The following SRP68 variants were observed in gnomAD, a reference collection of about 807,000 sequenced individuals.
SRP68 encodes the protein signal recognition particle 68.
A neutral mutation model predicts 82.2 loss-of-function variants in SRP68; 15 were observed. That is an observed-to-expected ratio of 0.18 (90% CI 0.12 to 0.28). SRP68 has a LOEUF of 0.28. SRP68 is among the 10% of genes least tolerant of loss of function. SRP68 has a pLI of 1.00. For missense variants in SRP68, 595 were observed against 780.5 expected, an observed-to-expected ratio of 0.76 and a Z score of 2.83; for synonymous variants, 261 against 292.6, an observed-to-expected ratio of 0.89 and a Z score of 1.10.
intron 3 of SRP68, among the ~76,000 whole-genome samples, chr17:76,065,932 T>C (rs746231849): frequency 4.6e-5 from 7 of 151,586 alleles, no homozygotes; most frequent in Non-Finnish European, 1.0e-4. Flanking sequence ...ACAACTACTC[T>C]GCTGATGTAG....
intron 7 of SRP68, among the ~76,000 whole-genome samples, chr17:76,059,780 AGACTGTCTC>A (rs2066737764): frequency 7.8e-6 from 1 of 128,228 alleles, no homozygotes; most frequent in African/African-American, 3.4e-5. Context: ...CGACAGAGTA[AGACTGTCTC>A]AAAAAAAAAA....
At chr17:76,050,301 A>C in intron 9 of SRP68, 127 bp downstream of exon 9, 1 of 662,542 alleles carries the variant, frequency 1.5e-6, no homozygotes, top group Non-Finnish European at 2.6e-6. Context: ...CTCACCTCAA[A>C]AAAACAAAAA....
chr17:76,056,333 A>G (rs985769735), intron 8 of SRP68, among the ~76,000 whole-genome samples: 1 of 152,108 alleles, frequency 6.6e-6, no homozygotes, highest in African/African-American at 2.4e-5. Context: ...CACTTTTAAA[A>G]CCAAAGCACT....
At chr17:76,070,312 C>T (rs1488621432) in intron 2 of SRP68, 66 bp downstream of exon 2, 13 of 1,264,914 alleles carry the variant, frequency 1.0e-5, no homozygotes. Context: ...GCAGAGTAAA[C>T]AGGATATTAA....
At chr17:76,069,775 GAAAAAAA>G (rs527828363) in intron 2 of SRP68, among the ~76,000 whole-genome samples, 1 of 135,832 alleles carries the variant, frequency 7.4e-6, no homozygotes, top group Admixed American at 7.4e-5. Flanking sequence ...TTATTTAAAA[GAAAAAAA>G]AAAAAAGAAA....
At chr17:76,061,840 A>G (rs557545722) in intron 4 of SRP68, among the ~76,000 whole-genome samples, 46 of 152,170 alleles carry the variant, frequency 3.0e-4, no homozygotes, top group African/African-American at 1.1e-3. Flanking sequence ...AAAGAAGAAA[A>G]AAAAGAACAT....
chr17:76,057,624 G>A, intron 7 of SRP68, 81 bp from the exon 8 acceptor site: 1 of 1,479,916 alleles, frequency 6.8e-7, no homozygotes, highest in Non-Finnish European at 9.3e-7. Flanking sequence ...TCTATCATTT[G>A]TCTCTTTGTA....
chr17:76,051,560 TTCTTC>T (rs2066672544), intron 8 of SRP68, among the ~76,000 whole-genome samples: 1 of 152,176 alleles, frequency 6.6e-6, no homozygotes, highest in Non-Finnish European at 1.5e-5. Flanking sequence ...AAAACCCTTT[TTCTTC>T]TCTTAAGAAA....
In SRP68 at chr17:76,061,482, T is replaced by C. The variant is rs2066751826; in HGVS notation, c.644+10A>G. On this transcript the variant is annotated intron_variant, in intron 5 of 15. Coordinates refer to ENST00000307877, the MANE Select transcript of SRP68 (RefSeq NM_014230.4). ...AAAACTGGCCACAGCCTTTGGACTA[T>C]AGGACTTACTTGCATTTGTTAAAAG... is the stretch of plus-strand genomic sequence containing the variant. 1 of 1,611,622 alleles carries C rather than the reference T, an allele frequency of 6.2e-7. No individual in the cohort carries two copies. The highest frequency in any genetic ancestry group is 8.5e-7 in the Non-Finnish European group (1 of 1,178,366).
chr17:76,050,424 C>T lies in SRP68; in HGVS notation c.1077+4G>A. 1 of 1,611,416 alleles carries T rather than the reference C, an allele frequency of 6.2e-7. No individual in the cohort carries two copies. Among genetic ancestry groups the T allele is most frequent in the Non-Finnish European group, 8.5e-7 (1 of 1,177,652 alleles). On this transcript the variant is annotated splice_donor_region_variant and intron_variant, in intron 9 of 15. Coordinates refer to ENST00000307877, the MANE Select transcript of SRP68 (RefSeq NM_014230.4). Reference sequence around the variant, plus strand: ...AAGAACCAGGGCTCGGCTGAGGGTCCTACCTGATCTGGCTTGAGCTCCTCC... The same window carrying T: ...AAGAACCAGGGCTCGGCTGAGGGTCTTACCTGATCTGGCTTGAGCTCCTCC...
Position 76,064,094 on chromosome 17 carries a change from T to G in SRP68, c.443A>C (p.Glu148Ala), listed in dbSNP as rs140122208. 5.0e-6 allele frequency: 8 copies of G among 1,614,104 alleles called. No individual in the cohort carries two copies. The highest frequency in any genetic ancestry group is 3.3e-4 in the Middle Eastern group (2 of 6,084). The change falls in exon 4 of 16, where the codon GAA becomes GCA. Residue 148 changes from glutamate to alanine, a missense_variant. By Grantham distance (107) the Glu-to-Ala change is moderately radical (BLOSUM62 -1). This residue lies in a region of SRP68 where 495 missense variants were observed against 688.6 expected (regional missense o/e 0.72). Transcript: ENST00000307877. ...TAACAAGTGAAACCGTTTTCGGGGT[T>G]CAGTGTTGGCTTCCTGTTTCAGCTG... ...AMQLKQEANT[E>A]PRKRFHLLSR...
intron 3 of SRP68, among the ~76,000 whole-genome samples, chr17:76,064,859 AAG>A (rs2066795031): frequency 2.0e-5 from 3 of 151,520 alleles, no homozygotes; most frequent in African/African-American, 7.2e-5. Context: ...AAAAAAAAAA[AAG>A]AGGCAGTATA....
chr17:76,041,018 A>G (rs750332148), intron 13 of SRP68, 40 bp from the exon 14 acceptor site: 3 of 1,567,178 alleles, frequency 1.9e-6, no homozygotes. Flanking sequence ...AGCCAGGGCC[A>G]GGTCAGAGAA....
At chr17:76,059,960 C>T (rs1034460945) in intron 7 of SRP68, among the ~76,000 whole-genome samples, 2 of 150,760 alleles carry the variant, frequency 1.3e-5, no homozygotes, top group African/African-American at 4.9e-5. Flanking sequence ...CCCATCTCTA[C>T]TACAAATATA....
At position 76,046,062 on chromosome 17, in the gene SRP68, G is replaced by T. The variant is rs2066627672; in HGVS notation, c.1275C>A (p.Ile425=). 2.5e-6 allele frequency: 4 copies of T among 1,613,810 alleles called. No homozygotes were observed. The highest frequency in any genetic ancestry group is 3.4e-6 in the Non-Finnish European group (4 of 1,179,888). Residue 425 remains isoleucine (I), a synonymous_variant, in exon 11 of 16, where the codon ATC becomes ATA. Coordinates refer to ENST00000307877, the MANE Select transcript of SRP68 (RefSeq NM_014230.4). ...SKRSPRPQDL[I]RLYDIILQNL... The stretch of plus-strand genomic sequence containing the variant: ...CCTGTAAGATGATGTCATAGAGTCG[G>T]ATCAGGTCCTGGGGCCGGGGTGAGC...
Position 76,072,504 on chromosome 17 carries a change from C to T in SRP68, c.-13G>A. The T allele has an allele frequency of 6.3e-7, 1 of 1,580,762 alleles. No homozygotes were observed. Among genetic ancestry groups the T allele is most frequent in the Non-Finnish European group, 8.5e-7 (1 of 1,172,574 alleles). On this transcript the variant is annotated 5_prime_UTR_variant, in exon 1 of 16. Transcript: ENST00000307877. This position sits in a 1 kb window ranked among gnomAD's most constrained non-coding sequence, Gnocchi z 4.5. Reference sequence around the variant, plus strand: ...TCTCAGCAGCCATCTTGCCCCTGCGCCGCAGAGCAAGACGGGATAGGGGAG... The same window carrying T: ...TCTCAGCAGCCATCTTGCCCCTGCGTCGCAGAGCAAGACGGGATAGGGGAG...
intron 8 of SRP68, among the ~76,000 whole-genome samples, chr17:76,053,925 C>T (rs948579541): frequency 2.0e-5 from 3 of 152,168 alleles, no homozygotes; most frequent in Non-Finnish European, 2.9e-5. Flanking sequence ...ACCTGTACAC[C>T]GACCTTCTCC....
At position 76,043,969 on chromosome 17, in the gene SRP68, G is replaced by T; in HGVS notation, c.1395-11C>A. 6.3e-7 allele frequency: 1 copy of T among 1,594,520 alleles called. No individual in the cohort carries two copies. Among genetic ancestry groups the T allele is most frequent in the South Asian group, 1.1e-5 (1 of 86,998 alleles). On this transcript the variant is annotated splice_polypyrimidine_tract_variant and intron_variant, in intron 12 of 15. Coordinates refer to ENST00000307877, the MANE Select transcript of SRP68 (RefSeq NM_014230.4). ...GCAATGAAAAAACACCTGATGGGGA[G>T]GGAAAAGAGCCACAATATTCTAAAG...
intron 8 of SRP68, chr17:76,053,387 G>A (rs1197467168): frequency 3.5e-6 from 3 of 853,760 alleles, no homozygotes; most frequent in Non-Finnish European, 2.8e-6. Flanking sequence ...ACCCTTCTCA[G>A]ACAAGTGGGG....
Sources: allele counts gnomAD v4.1 joint callset (sites outside exome capture counted in the v4.1 genomes callset), GRCh38; gene constraint gnomAD v4.1.1; regional missense constraint gnomAD v4.1.1; non-coding constraint Gnocchi (gnomAD v3.1); transcripts MANE v1.5; gene names NCBI Gene and HGNC (gene_info 2026-07-23, HGNC 2026-07-21).